The following PSMD1 variants were observed in gnomAD, a reference collection of about 807,000 sequenced individuals.
The protein encoded by PSMD1 is proteasome 26S subunit, non-ATPase 1.
Under a neutral mutation model 119.0 loss-of-function variants are expected in PSMD1, and 18 were observed. That is an observed-to-expected ratio of 0.15 (90% CI 0.10 to 0.22). The LOEUF (loss-of-function observed/expected upper bound fraction) is 0.22. Among genes scored for constraint, PSMD1 ranks in the 10% least tolerant of loss-of-function variants. PSMD1 has a pLI of 1.00. For missense variants in PSMD1, 702 were observed against 1,158.5 expected (o/e 0.61, Z 5.72); for synonymous variants, 374 against 396.6 (o/e 0.94, Z 0.68).
At chr2:231,118,968 T>A (rs570267274) in intron 16 of PSMD1, among the ~76,000 whole-genome samples, 1 of 150,956 alleles carries the variant, frequency 6.6e-6, no homozygotes, top group South Asian at 2.2e-4. Context: ...CTTCTGTCTT[T>A]ATCTTCCAGA....
At chr2:231,151,881 C>G (rs1488533627) in intron 18 of PSMD1, among the ~76,000 whole-genome samples, 1 of 139,270 alleles carries the variant, frequency 7.2e-6, no homozygotes, top group Non-Finnish European at 1.5e-5. Context: ...GGCACGATCT[C>G]GGTTCACTGC....
At chr2:231,075,253 A>G (rs541247089) in intron 7 of PSMD1, among the ~76,000 whole-genome samples, 3 of 152,148 alleles carry the variant, frequency 2.0e-5, no homozygotes, top group East Asian at 1.9e-4. Flanking sequence ...AATGAAGGAG[A>G]TATTTTGTCG....
chr2:231,076,526 G>GCC (rs1694171235), intron 8 of PSMD1, among the ~76,000 whole-genome samples: 1 of 152,152 alleles, frequency 6.6e-6, no homozygotes, highest in South Asian at 2.1e-4. Flanking sequence ...AATTAGCTGA[G>GCC]CGTGGTGGCA....
At chr2:231,093,872 A>G (rs748570774) in intron 16 of PSMD1, among the ~76,000 whole-genome samples, 12 of 152,082 alleles carry the variant, frequency 7.9e-5, no homozygotes, top group Non-Finnish European at 1.6e-4. Flanking sequence ...CACGTGTGAC[A>G]AAATTGTTGA....
At chr2:231,133,653 T>C (rs1695902449) in intron 16 of PSMD1, 1 of 152,238 alleles carries the variant, frequency 6.6e-6, no homozygotes, top group African/African-American at 2.4e-5. Flanking sequence ...AAGAATTCCC[T>C]CTGTGATAGC....
In PSMD1 at chr2:231,165,930, G is replaced by T; in HGVS notation, c.2628G>T (p.Gln876His). ...EKKKEPEPNF[Q>H]LLDNPARVMP... ...AAAAAGAACCTGAGCCAAACTTCCA[G>T]TTATTGGATAACCCAGCCCGAGTTA... is the stretch of plus-strand genomic sequence containing the variant. Residue 876 changes from glutamine (Q) to histidine (H), a missense_variant, in exon 23 of 25, where the codon CAG becomes CAT. Physicochemically the swap from Gln to His is conservative, Grantham distance 24 (BLOSUM62 0). Coordinates refer to ENST00000308696, the MANE Select transcript of PSMD1 (RefSeq NM_002807.4). The T allele has an allele frequency of 6.2e-7, 1 of 1,613,868 alleles. No individual in the cohort carries two copies. The highest frequency in any genetic ancestry group is 8.5e-7 in the Non-Finnish European group (1 of 1,179,810).
chr2:231,079,224 T>G (rs1694248579), intron 10 of PSMD1, among the ~76,000 whole-genome samples: 2 of 152,354 alleles, frequency 1.3e-5, no homozygotes, highest in African/African-American at 4.8e-5. Flanking sequence ...TATTTCTACT[T>G]GTTTTAAGGT....
chr2:231,075,472 C>G lies in PSMD1; in HGVS notation c.882-39C>G, dbSNP rs758499187. ...AGATCTGTGGTATAAACAAATTGTA[C>G]TTCTCTTCAGAAAAAATTATTGGTT... On this transcript the variant is annotated intron_variant, in intron 7 of 24. Transcript: ENST00000308696. 6 of 1,588,610 alleles carry G rather than the reference C, an allele frequency of 3.8e-6. No homozygotes were observed. In the African/African-American group the frequency reaches 8.1e-5, roughly 21 times the overall value.
At chr2:231,165,034 TTATATATATATATATATATA>T (rs66656378) in intron 21 of PSMD1, 146 bp from the exon 22 acceptor site, 278 of 22,026 alleles carry the variant, frequency 0.013, 3 homozygotes, top group Non-Finnish European at 0.016. Context: ...TTATATATAT[TTATATATATATATATATATA>T]TATATATATA....
chr2:231,087,295 G>A (rs1036461896), intron 16 of PSMD1, 114 bp downstream of exon 16: 9 of 792,384 alleles, frequency 1.1e-5, no homozygotes, highest in African/African-American at 3.5e-5. Flanking sequence ...AATACCTGAG[G>A]AGTATATCTG....
chr2:231,153,407 G>A (rs1696413736), intron 18 of PSMD1, 157 bp from the exon 19 acceptor site: 7 of 588,614 alleles, frequency 1.2e-5, no homozygotes, highest in South Asian at 2.1e-5. Flanking sequence ...TTGCAACCAC[G>A]GAACTGCTCT....
intron 18 of PSMD1, among the ~76,000 whole-genome samples, chr2:231,148,416 T>G (rs190187522): frequency 2.6e-5 from 4 of 152,244 alleles, no homozygotes; most frequent in Non-Finnish European, 5.9e-5. Context: ...TTATAATCTC[T>G]GTTCCAAAAA....
chr2:231,082,035 G>A (rs141255716), intron 12 of PSMD1, among the ~76,000 whole-genome samples: 100 of 152,020 alleles, frequency 6.6e-4, no homozygotes, highest in Non-Finnish European at 1.1e-3. Context: ...GTTTTCTCAC[G>A]TTCATTTCAC....
chr2:231,107,214 G>T lies in PSMD1; in HGVS notation c.1883+20033G>T, dbSNP rs558669539. On this transcript the variant is annotated intron_variant, in intron 16 of 24. Transcript: ENST00000308696. Reference sequence around the variant, plus strand: ...AGATCAGGATTTATGTATTAGAGCCGCATTCTAGCAAAGGATTCTGCCACT... The same window carrying T: ...AGATCAGGATTTATGTATTAGAGCCTCATTCTAGCAAAGGATTCTGCCACT... Among the ~76,000 whole-genome samples, 4 of 152,234 alleles carry T rather than the reference G, an allele frequency of 2.6e-5. No individual in the cohort carries two copies. The South Asian group carries it at 6.2e-4, about 24-fold the overall frequency.
intron 10 of PSMD1, 72 bp from the exon 11 acceptor site, chr2:231,079,464 C>A: frequency 2.9e-6 from 3 of 1,039,404 alleles, no homozygotes; most frequent in Non-Finnish European, 4.2e-6. Flanking sequence ...ATGCTTTTAA[C>A]CTTAGAGTTA....
chr2:231,112,756 A>G (rs1373697112), intron 16 of PSMD1, among the ~76,000 whole-genome samples: 2 of 152,240 alleles, frequency 1.3e-5, no homozygotes. Flanking sequence ...AGCTTTGAGT[A>G]TTATAGATGA....
At chr2:231,109,966 A>T (rs1260750375) in intron 16 of PSMD1, among the ~76,000 whole-genome samples, 1 of 152,206 alleles carries the variant, frequency 6.6e-6, no homozygotes, top group African/African-American at 2.4e-5. Flanking sequence ...AGTGCTACTT[A>T]AAATTTGAGT....
At chr2:231,166,676 T>C (rs897932701) in intron 23 of PSMD1, among the ~76,000 whole-genome samples, 1 of 152,198 alleles carries the variant, frequency 6.6e-6, no homozygotes, top group African/African-American at 2.4e-5. Flanking sequence ...CAGGTTCTTG[T>C]AGATAACTAG....
chr2:231,061,365 G>A, intron 2 of PSMD1, 55 bp downstream of exon 2: 1 of 1,358,906 alleles, frequency 7.4e-7, no homozygotes, highest in Non-Finnish European at 1.0e-6. Flanking sequence ...GAAGCCTTTT[G>A]AATTTAGTGA....
Sources: gnomAD v4.1 joint callset for allele counts (sites outside exome capture counted in the v4.1 genomes callset) on GRCh38, gnomAD v4.1.1 for gene constraint, MANE v1.5 for transcripts, NCBI Gene and HGNC (gene_info 2026-07-23, HGNC 2026-07-21) for gene names.